The following COX5A variants were observed in gnomAD, a reference collection of about 807,000 sequenced individuals.
The protein encoded by COX5A is cytochrome c oxidase subunit 5A, mitochondrial.
COX5A carries 6 observed loss-of-function variants against 16.1 expected under a neutral mutation model. That is an observed-to-expected ratio of 0.37 (90% CI 0.20 to 0.73). The LOEUF is 0.73. Ranked by LOEUF, COX5A falls within the 30% of genes least tolerant of loss-of-function variation. The pLI is 0.50. For synonymous variants in COX5A, 73 were observed against 73.8 expected (o/e 0.99, Z 0.06); for missense variants, 159 against 194.9 (o/e 0.82, Z 1.10).
intron 4 of COX5A, 111 bp from the exon 5 acceptor site, chr15:74,920,553 C>G: frequency 1.6e-6 from 1 of 618,508 alleles, no homozygotes; most frequent in South Asian, 2.0e-5. Flanking sequence ...TCTCTGTACC[C>G]TTTACTGCTC....
At chr15:74,925,060 C>T (rs565614420) in intron 3 of COX5A, among the ~76,000 whole-genome samples, 8 of 152,298 alleles carry the variant, frequency 5.3e-5, no homozygotes, top group Admixed American at 2.0e-4. Flanking sequence ...TGGTGGCTCA[C>T]GCCTGTAATC....
At chr15:74,932,468 T>TA (rs2065371804) in intron 1 of COX5A, among the ~76,000 whole-genome samples, 4 of 151,686 alleles carry the variant, frequency 2.6e-5, no homozygotes, top group Admixed American at 6.6e-5. Flanking sequence ...TATATATATA[T>TA]TTTTAAAAAC....
At chr15:74,929,796 T>C (rs1268044604) in intron 1 of COX5A, among the ~76,000 whole-genome samples, 1 of 151,568 alleles carries the variant, frequency 6.6e-6, no homozygotes, top group Non-Finnish European at 1.5e-5. Context: ...AAACTAAGAA[T>C]AGGCCAGGCG....
chr15:74,920,220 A>T lies in COX5A; in HGVS notation c.*232T>A. On this transcript the variant is annotated 3_prime_UTR_variant, in exon 5 of 5. Coordinates refer to ENST00000322347, the MANE Select transcript of COX5A (RefSeq NM_004255.4). ...AAGAGGGCAGCAAAACCATGAAACCAATACAGCACTTAATTTTCTGCTTAT... is the reference window on the plus strand; with the variant it reads ...AAGAGGGCAGCAAAACCATGAAACCTATACAGCACTTAATTTTCTGCTTAT... The T allele has an allele frequency of 1.8e-6, 1 of 566,754 alleles. No homozygotes were observed. The highest frequency in any genetic ancestry group is 3.0e-6 in the Non-Finnish European group (1 of 328,876). The allele number at this position is 566,754 out of a possible 1,614,324, so 35.1% of individuals were successfully genotyped here. A position where few individuals can be genotyped will look rare whatever the true frequency, so the allele number is the denominator to read the frequency against.
At chr15:74,930,717 TAA>T (rs1264550838) in intron 1 of COX5A, among the ~76,000 whole-genome samples, 3 of 129,034 alleles carry the variant, frequency 2.3e-5, no homozygotes, top group Admixed American at 7.8e-5. Flanking sequence ...ATTCACACAT[TAA>T]AAAAAAAAAA....
intron 3 of COX5A, among the ~76,000 whole-genome samples, chr15:74,924,237 G>T (rs1358455187): frequency 6.6e-6 from 1 of 151,416 alleles, no homozygotes; most frequent in Non-Finnish European, 1.5e-5. Flanking sequence ...TAACACATTT[G>T]TTCGGTAAGT....
At chr15:74,925,438 G>C (rs1227639022) in intron 3 of COX5A, among the ~76,000 whole-genome samples, 1 of 151,924 alleles carries the variant, frequency 6.6e-6, no homozygotes, top group Non-Finnish European at 1.5e-5. Flanking sequence ...GCCCAGGCTG[G>C]AGTGCAATGG....
At chr15:74,935,969 G>A (rs1441156965) in intron 1 of COX5A, among the ~76,000 whole-genome samples, 2 of 151,216 alleles carry the variant, frequency 1.3e-5, no homozygotes, top group African/African-American at 4.8e-5. Context: ...ATAACTATAA[G>A]AAACAAAAAT....
At chr15:74,920,526 C>T (rs879897944) in intron 4 of COX5A, 84 bp from the exon 5 acceptor site, 24 of 658,156 alleles carry the variant, frequency 3.6e-5, no homozygotes, top group African/African-American at 5.5e-5. Flanking sequence ...AGTGCTACAA[C>T]CAGGGAAATC....
At chr15:74,931,536 GT>G (rs778804938) in intron 1 of COX5A, among the ~76,000 whole-genome samples, 76 of 150,762 alleles carry the variant, frequency 5.0e-4, no homozygotes, top group Non-Finnish European at 8.8e-4. Flanking sequence ...ATAGAGTACT[GT>G]ATGAAAAGCA....
chr15:74,923,152 G>A (rs534061335), intron 4 of COX5A, among the ~76,000 whole-genome samples: 30 of 152,064 alleles, frequency 2.0e-4, no homozygotes, highest in African/African-American at 5.3e-4. Flanking sequence ...GATGCCGGGC[G>A]CGGTGGCTCA....
chr15:74,933,815 C>T (rs182857842), intron 1 of COX5A, among the ~76,000 whole-genome samples: 46 of 152,256 alleles, frequency 3.0e-4, no homozygotes, highest in African/African-American at 1.1e-3. Context: ...TCATGATAAG[C>T]AATTCGTTTT....
At chr15:74,934,901 T>A (rs975065054) in intron 1 of COX5A, among the ~76,000 whole-genome samples, 1 of 152,206 alleles carries the variant, frequency 6.6e-6, no homozygotes, top group African/African-American at 2.4e-5. Context: ...AATGAGGACA[T>A]TTTTAGGGCT....
chr15:74,938,036 G>C lies in COX5A; in HGVS notation c.-22C>G. 1 of 1,224,754 alleles carries C rather than the reference G, an allele frequency of 8.2e-7. No individual in the cohort carries two copies. Among genetic ancestry groups the C allele is most frequent in the Non-Finnish European group, 1.0e-6 (1 of 982,348 alleles). The allele number at this position is 1,224,754 out of a possible 1,614,324, so 75.9% of individuals were successfully genotyped here. A position where few individuals can be genotyped will look rare whatever the true frequency, so the allele number is the denominator to read the frequency against. ...GCATGACGGCGATGGCGGCGCGCGGGCTGAGGACAGAGAGAAGCCGGTGTA... is the reference window on the plus strand; with the variant it reads ...GCATGACGGCGATGGCGGCGCGCGGCCTGAGGACAGAGAGAAGCCGGTGTA... On this transcript the variant is annotated 5_prime_UTR_variant, in exon 1 of 5. Coordinates refer to ENST00000322347, the MANE Select transcript of COX5A (RefSeq NM_004255.4).
chr15:74,924,489 C>A (rs970903322), intron 3 of COX5A, among the ~76,000 whole-genome samples: 6 of 151,840 alleles, frequency 4.0e-5, no homozygotes, highest in Admixed American at 1.3e-4. Context: ...ACACTACACT[C>A]CAGCCTAGGG....
At chr15:74,923,282 G>A (rs2065329842) in intron 4 of COX5A, among the ~76,000 whole-genome samples, 1 of 151,984 alleles carries the variant, frequency 6.6e-6, no homozygotes, top group Non-Finnish European at 1.5e-5. Context: ...AAATTAGCCA[G>A]TTGTGGTGGC....
At chr15:74,934,369 C>T (rs866282506) in intron 1 of COX5A, among the ~76,000 whole-genome samples, 10 of 149,980 alleles carry the variant, frequency 6.7e-5, no homozygotes, top group South Asian at 2.1e-4. Context: ...CTCACTCTGT[C>T]GCCCAGGCGG....
intron 1 of COX5A, among the ~76,000 whole-genome samples, chr15:74,936,083 G>A (rs1314272705): frequency 6.6e-6 from 1 of 151,804 alleles, no homozygotes; most frequent in African/African-American, 2.4e-5. Context: ...CTGACCTCAC[G>A]AGCTCGAAAC....
intron 1 of COX5A, among the ~76,000 whole-genome samples, chr15:74,935,370 C>T (rs920639503): frequency 3.3e-5 from 5 of 152,012 alleles, no homozygotes; most frequent in Non-Finnish European, 7.4e-5. Flanking sequence ...GTGGCTCACA[C>T]CTGTAATCCC....
Sources: allele counts gnomAD v4.1 joint callset (sites outside exome capture counted in the v4.1 genomes callset), GRCh38; gene constraint gnomAD v4.1.1; transcripts MANE v1.5; gene names NCBI Gene and HGNC (gene_info 2026-07-23, HGNC 2026-07-21).